Variants in COL16A1 observed in about 807,000 individuals in gnomAD.
The protein encoded by COL16A1 is collagen alpha-1(XVI) chain.
In COL16A1, 189 loss-of-function variants were observed where a neutral mutation model predicts 266.3. The ratio of observed to expected loss-of-function variants is 0.71; its 90% CI spans 0.63 to 0.80. The LOEUF (loss-of-function observed/expected upper bound fraction) is 0.80, where lower values mean the gene tolerates loss of function less well. Ranked by LOEUF, COL16A1 falls within the 30% of genes least tolerant of loss-of-function variation. COL16A1 has a pLI of 0.00. For synonymous variants in COL16A1, 740 were observed against 782.3 expected (o/e 0.95, Z 0.90); for missense variants, 1,928 against 2,122.4 (o/e 0.91, Z 1.80).
chr1:31,679,349 G>A, intron 42 of COL16A1: 1 of 1,434,964 alleles, frequency 7.0e-7, no homozygotes. Context: ...AGTGGGCCGG[G>A]CTCTGTACCA....
rs1008190514 is a variant in COL16A1 at position 31,660,734 on chromosome 1, A to G, written c.3826-96T>C. 6.5e-6 allele frequency: 10 copies of G among 1,542,674 alleles called. No homozygotes were observed. In the African/African-American group the frequency reaches 6.8e-5, roughly 11 times the overall value. The stretch of plus-strand genomic sequence containing the variant: ...GAGGGGGCTGGGCAGAATACATGGT[A>G]ATGCCAATGGCCAAAGGAGCTGGGC... On this transcript the variant is annotated intron_variant, in intron 61 of 70. Coordinates refer to ENST00000373672, the MANE Select transcript of COL16A1 (RefSeq NM_001856.4).
chr1:31,683,552 C>T (rs1199623783), intron 34 of COL16A1, among the ~76,000 whole-genome samples, 155 bp downstream of exon 34: 1 of 152,250 alleles, frequency 6.6e-6, no homozygotes, highest in Non-Finnish European at 1.5e-5. Context: ...ACAGAAGCAA[C>T]AGCAGGCCAG....
chr1:31,672,297 A>C (rs1403949799), intron 47 of COL16A1, 119 bp downstream of exon 47: 3 of 1,115,736 alleles, frequency 2.7e-6, no homozygotes, highest in East Asian at 2.4e-5. Flanking sequence ...CCAGGAGAGC[A>C]GATGAGCCCA....
chr1:31,692,421 G>A, intron 16 of COL16A1, 53 bp downstream of exon 16: 2 of 1,581,468 alleles, frequency 1.3e-6, no homozygotes, highest in South Asian at 2.4e-5. Context: ...CCTCATGGCT[G>A]TAGAGCCTGC....
In COL16A1 at chr1:31,662,653, G is replaced by A. The variant is rs1454277338; in HGVS notation, c.3561C>T (p.Ser1187=). ...GPPGPQAEKG[S]EGIRGPSGLP... Reference sequence around the variant, plus strand: ...GGCCTGATGGGCCTCGAATCCCTTCGCTGCCCTGGAAACCAGCGCCGCCCC... The same window carrying A: ...GGCCTGATGGGCCTCGAATCCCTTCACTGCCCTGGAAACCAGCGCCGCCCC... The change falls in exon 57 of 71, where the codon AGC becomes AGT. Residue 1187 remains serine (S), a synonymous_variant. Transcript: ENST00000373672. 2 of 1,543,832 alleles carry A rather than the reference G, an allele frequency of 1.3e-6. No individual in the cohort carries two copies. The highest frequency in any genetic ancestry group is 1.2e-5 in the South Asian group (1 of 83,670).
chr1:31,702,334 G>A, intron 1 of COL16A1, 107 bp from the exon 2 acceptor site: 1 of 1,151,816 alleles, frequency 8.7e-7, no homozygotes, highest in Admixed American at 2.0e-5. Flanking sequence ...TGGTATTGGG[G>A]TGGCAGGAGG....
intron 1 of COL16A1, 146 bp from the exon 2 acceptor site, chr1:31,702,373 G>T: frequency 1.3e-6 from 1 of 757,378 alleles, no homozygotes; most frequent in Non-Finnish European, 2.2e-6. Context: ...TCTCTCAGAG[G>T]CCCAACCACA....
chr1:31,655,245 T>C (rs1316459693), intron 67 of COL16A1, 69 bp downstream of exon 67: 1 of 1,535,194 alleles, frequency 6.5e-7, no homozygotes, highest in Non-Finnish European at 8.7e-7. Context: ...GCTTGGAAGA[T>C]GATCCGAGCT....
chr1:31,660,680 C>T (rs1199959279), intron 61 of COL16A1, 42 bp from the exon 62 acceptor site: 1 of 1,611,678 alleles, frequency 6.2e-7, no homozygotes, highest in Non-Finnish European at 8.5e-7. Context: ...CTGAAACTGA[C>T]TTGCTTGCAC....
At chr1:31,661,772 T>C in intron 58 of COL16A1, 68 bp from the exon 59 acceptor site, 1 of 1,501,980 alleles carries the variant, frequency 6.7e-7, no homozygotes, top group South Asian at 1.2e-5. Context: ...CATACCTCTG[T>C]CCTCCCCTCT....
intron 42 of COL16A1, among the ~76,000 whole-genome samples, chr1:31,676,692 C>T (rs1643213468): frequency 6.6e-6 from 1 of 152,230 alleles, no homozygotes; most frequent in Admixed American, 6.5e-5. Flanking sequence ...GCCACCCGGA[C>T]AATGTTCCCC....
At chr1:31,660,971 C>T (rs1641604143) in intron 61 of COL16A1, 95 bp downstream of exon 61, 1 of 1,367,840 alleles carries the variant, frequency 7.3e-7, no homozygotes, top group Admixed American at 2.5e-5. Flanking sequence ...AGAAAGCAGC[C>T]ACTTTGCCAG....
chr1:31,661,820 A>T, intron 58 of COL16A1, 116 bp from the exon 59 acceptor site: 1 of 1,150,186 alleles, frequency 8.7e-7, no homozygotes, highest in Non-Finnish European at 1.2e-6. Context: ...TGGAGGGAAG[A>T]ATCCAAGCCT....
chr1:31,656,952 G>GA lies in COL16A1; in HGVS notation c.4056+80dup, dbSNP rs927477550. The GA allele has an allele frequency of 3.1e-6, 5 of 1,587,898 alleles. No homozygotes were observed. Among genetic ancestry groups the GA allele is most frequent in the Admixed American group, 1.7e-5 (1 of 59,824 alleles). On this transcript the variant is annotated intron_variant, in intron 65 of 70. Coordinates refer to ENST00000373672, the MANE Select transcript of COL16A1 (RefSeq NM_001856.4). This position sits in a 1 kb window ranked among gnomAD's most constrained non-coding sequence, Gnocchi z 4.2. ...CCCGTACATAGAAGGAATGTTTACT[G>GA]AAAAAAATGAAGAGGGGTCAGGGCA... is the stretch of plus-strand genomic sequence containing the variant.
chr1:31,683,492 C>G (rs952357259), intron 34 of COL16A1, 123 bp from the exon 35 acceptor site: 1 of 1,589,440 alleles, frequency 6.3e-7, no homozygotes, highest in African/African-American at 1.3e-5. Flanking sequence ...GAAGAGCTCC[C>G]CAAGGAGACC....
intron 35 of COL16A1, 43 bp from the exon 36 acceptor site, chr1:31,683,290 GC>G: frequency 6.2e-7 from 1 of 1,614,146 alleles, no homozygotes; most frequent in South Asian, 1.1e-5. Context: ...TCCTAGAATG[GC>G]CCCCTCCCCT....
Position 31,685,586 on chromosome 1 carries a change from T to G in COL16A1, c.2016+53A>C, listed in dbSNP as rs1480712270. On this transcript the variant is annotated intron_variant, in intron 29 of 70. Coordinates refer to ENST00000373672, the MANE Select transcript of COL16A1 (RefSeq NM_001856.4). The surrounding 1 kb of genome is among the most constrained non-coding windows in gnomAD (Gnocchi z 4.0). The stretch of plus-strand genomic sequence containing the variant: ...CCCAGGCAGGACCCCTCCCCTCTCC[T>G]TAGCCCCGCCTGCATCCCCCGTCCA... 1 of 1,380,022 alleles carries G rather than the reference T, an allele frequency of 7.2e-7. No homozygotes were observed. Among genetic ancestry groups the G allele is most frequent in the Non-Finnish European group, 9.7e-7 (1 of 1,031,844 alleles). The allele number at this position is 1,380,022 out of a possible 1,614,324, so 85.5% of individuals were successfully genotyped here.
At chr1:31,665,420 C>A in intron 55 of COL16A1, 163 bp downstream of exon 55, 1 of 1,446,238 alleles carries the variant, frequency 6.9e-7, no homozygotes. Flanking sequence ...GCTGGGCTCT[C>A]CAGGTCCTGG....
At chr1:31,679,089 C>T (rs917974429) in intron 42 of COL16A1, 3 of 203,578 alleles carry the variant, frequency 1.5e-5, no homozygotes, top group African/African-American at 2.3e-5. Flanking sequence ...TTCTCCTGCC[C>T]TCATCCCATT....
Sources: allele counts gnomAD v4.1 joint callset (sites outside exome capture counted in the v4.1 genomes callset), GRCh38; gene constraint gnomAD v4.1.1; non-coding constraint Gnocchi (gnomAD v3.1); transcripts MANE v1.5; gene names NCBI Gene and HGNC (gene_info 2026-07-23, HGNC 2026-07-21).